The following GBE1 variants were observed in gnomAD, a reference collection of about 807,000 sequenced individuals.
The protein encoded by GBE1 is 1,4-alpha-glucan-branching enzyme.
GBE1 carries 70 observed loss-of-function variants against 88.8 expected under a neutral mutation model. That is an observed-to-expected ratio of 0.79 (90% CI 0.65 to 0.96). GBE1 has a LOEUF of 0.96. Among genes scored for constraint, GBE1 ranks in the 40% least tolerant of loss-of-function variants. The probability of loss-of-function intolerance (pLI) is 0.00; values close to 1 mark genes in which losing one functional copy is unlikely to be tolerated. For synonymous variants in GBE1, 284 were observed against 300.1 expected (o/e 0.95, Z 0.56); for missense variants, 872 against 871.0 (o/e 1.00, Z -0.01).
chr3:81,736,103 A>G (rs1245435720), intron 1 of GBE1, among the ~76,000 whole-genome samples: 4 of 152,142 alleles, frequency 2.6e-5, no homozygotes, highest in Non-Finnish European at 5.9e-5. Flanking sequence ...ATGGCAGCAT[A>G]TCCCAGTAAG....
In GBE1 at chr3:81,699,439, A is replaced by G. The variant is rs183947309; in HGVS notation, c.313+6005T>C. On this transcript the variant is annotated intron_variant, in intron 2 of 15. Coordinates refer to ENST00000429644, the MANE Select transcript of GBE1 (RefSeq NM_000158.4). ...TTGTTCCCAATTTTTCATGAGCCTT[A>G]TATTAGTCAGGGTTCTCTTAGAGGG... Among the ~76,000 whole-genome samples the G allele has an allele frequency of 9.2e-5, 14 of 152,286 alleles. No individual in the cohort carries two copies. In the East Asian group the frequency reaches 2.7e-3, roughly 29 times the overall value.
At chr3:81,717,471 T>C (rs1705954705) in intron 1 of GBE1, among the ~76,000 whole-genome samples, 1 of 152,198 alleles carries the variant, frequency 6.6e-6, no homozygotes, top group South Asian at 2.1e-4. Context: ...ATTGTATCCA[T>C]GAATAGTTTC....
intron 15 of GBE1, among the ~76,000 whole-genome samples, chr3:81,493,456 T>G (rs1035825371): frequency 1.2e-4 from 18 of 152,080 alleles, no homozygotes; most frequent in African/African-American, 4.3e-4. Flanking sequence ...AATAATTACA[T>G]AATGATAATT....
At chr3:81,671,102 GT>G in intron 2 of GBE1, 149 bp from the exon 3 acceptor site, 1 of 421,944 alleles carries the variant, frequency 2.4e-6, no homozygotes, top group Non-Finnish European at 4.2e-6. Context: ...AATACTAGTG[GT>G]TTAGAAAAGG....
chr3:81,490,501 G>A (rs368073750), intron 15 of GBE1, 38 bp from the exon 16 acceptor site: 12 of 1,508,034 alleles, frequency 8.0e-6, no homozygotes, highest in Non-Finnish European at 1.1e-5. Context: ...ATTGAAGAAA[G>A]TACCAAACGG....
intron 2 of GBE1, among the ~76,000 whole-genome samples, chr3:81,703,002 GT>G (rs145896098): frequency 0.01 from 1,564 of 151,992 alleles, 39 homozygotes; most frequent in African/African-American, 0.036. Context: ...AAATATGGGG[GT>G]GGGGGAACCA....
chr3:81,506,415 G>A lies in GBE1; in HGVS notation c.1935-7188C>T, dbSNP rs114493284. ...AAGTCAAAAAATAACAGATGCTGGC[G>A]AGATTGTGGAGAAGAAGGAACACTT... On this transcript the variant is annotated intron_variant, in intron 14 of 15. Transcript: ENST00000429644. Among the ~76,000 whole-genome samples the A allele has an allele frequency of 3.6e-3, 542 of 152,218 alleles. 4 individuals are homozygous for A. Among genetic ancestry groups the A allele is most frequent in the African/African-American group, 0.012 (509 of 41,522 alleles).
chr3:81,526,384 G>A (rs142018133), intron 14 of GBE1, among the ~76,000 whole-genome samples: 2,531 of 152,182 alleles, frequency 0.017, 86 homozygotes, highest in African/African-American at 0.059. Context: ...AATCAGGCAG[G>A]AGAAAGAAAT....
chr3:81,646,447 G>T lies in GBE1; in HGVS notation c.727C>A (p.His243Asn). ...NCIQLMAIME[H>N]AYYASFGYQI... is the part of the protein sequence containing the mutation. ...TAACCAAAGCTGGCATAGTAAGCAT[G>T]CTCCATGATTGCCATCAACTGAATG... Residue 243 changes from histidine (H) to asparagine (N), a missense_variant, in exon 6 of 16, where the codon CAT becomes AAT. His to Asn is a moderately conservative substitution (Grantham distance 68). Transcript: ENST00000429644. The T allele has an allele frequency of 6.2e-7, 1 of 1,604,796 alleles. No individual in the cohort carries two copies. The highest frequency in any genetic ancestry group is 1.7e-5 in the Admixed American group (1 of 58,822).
At chr3:81,555,781 T>C (rs947596220) in intron 12 of GBE1, among the ~76,000 whole-genome samples, 1 of 152,144 alleles carries the variant, frequency 6.6e-6, no homozygotes, top group South Asian at 2.1e-4. Flanking sequence ...AAATATCCCC[T>C]CCTCTGACTG....
chr3:81,761,460 C>G lies in GBE1; in HGVS notation c.58G>C (p.Ala20Pro). Residue 20 changes from alanine to proline, a missense_variant, in exon 1 of 16, where the codon GCC becomes CCC. Transcript: ENST00000429644. ...RPEDYEAALN[A>P]ALADVPELAR... ...AGTTCGGGCACGTCAGCCAGGGCGG[C>G]ATTGAGCGCCGCCTCGTAGTCCTCG... is the stretch of plus-strand genomic sequence containing the variant. 6.2e-7 allele frequency: 1 copy of G among 1,613,522 alleles called. No homozygotes were observed. Among genetic ancestry groups the G allele is most frequent in the South Asian group, 1.1e-5 (1 of 91,074 alleles).
At chr3:81,597,653 T>G (rs1703978391) in intron 7 of GBE1, among the ~76,000 whole-genome samples, 1 of 150,882 alleles carries the variant, frequency 6.6e-6, no homozygotes, top group Non-Finnish European at 1.5e-5. Flanking sequence ...CCCAATTTAT[T>G]TTTTGGAGCA....
intron 7 of GBE1, among the ~76,000 whole-genome samples, chr3:81,599,825 T>C (rs1193449225): frequency 6.6e-6 from 1 of 152,224 alleles, no homozygotes; most frequent in Non-Finnish European, 1.5e-5. Context: ...ACATAGGTAA[T>C]ATACATCATG....
chr3:81,673,456 T>A (rs113264441), intron 2 of GBE1, among the ~76,000 whole-genome samples: 1 of 151,900 alleles, frequency 6.6e-6, no homozygotes, highest in African/African-American at 2.4e-5. Context: ...AAATGTACAA[T>A]GGTGAATCCA....
chr3:81,585,668 C>T (rs973382409), intron 10 of GBE1, among the ~76,000 whole-genome samples: 1 of 152,022 alleles, frequency 6.6e-6, no homozygotes, highest in Non-Finnish European at 1.5e-5. Flanking sequence ...TGGATGAATC[C>T]AATCCAAATT....
At chr3:81,509,069 T>C (rs1702690480) in intron 14 of GBE1, among the ~76,000 whole-genome samples, 1 of 152,136 alleles carries the variant, frequency 6.6e-6, no homozygotes, top group Admixed American at 6.6e-5. Flanking sequence ...TAAATTGCTG[T>C]CTCAAGAGAT....
intron 7 of GBE1, among the ~76,000 whole-genome samples, chr3:81,610,507 A>C: frequency 6.6e-6 from 1 of 152,220 alleles, no homozygotes; most frequent in East Asian, 1.9e-4. Flanking sequence ...TTATCTTATT[A>C]AAACAGGAAA....
chr3:81,617,218 C>T (rs2107005161), intron 7 of GBE1, among the ~76,000 whole-genome samples: 1 of 151,754 alleles, frequency 6.6e-6, no homozygotes, highest in East Asian at 1.9e-4. Flanking sequence ...ATTTTCTTTT[C>T]TTTTTATTTA....
At chr3:81,720,340 G>T (rs1252567470) in intron 1 of GBE1, among the ~76,000 whole-genome samples, 1 of 144,596 alleles carries the variant, frequency 6.9e-6, no homozygotes, top group Non-Finnish European at 1.5e-5. Flanking sequence ...CACTGTGTGT[G>T]TATGTGTATG....
Sources: gnomAD v4.1 joint callset for allele counts (sites outside exome capture counted in the v4.1 genomes callset) on GRCh38, gnomAD v4.1.1 for gene constraint, MANE v1.5 for transcripts, NCBI Gene and HGNC (gene_info 2026-07-23, HGNC 2026-07-21) for gene names.